Variants in UBR4 observed in about 807,000 individuals in gnomAD.
UBR4 encodes the protein E3 ubiquitin-protein ligase UBR4.
Under a neutral mutation model 575.6 loss-of-function variants are expected in UBR4, and 124 were observed. The observed-to-expected ratio is 0.22, with a 90% CI of 0.19 to 0.25. The LOEUF (loss-of-function observed/expected upper bound fraction) is 0.25. Among genes scored for constraint, UBR4 ranks in the 10% least tolerant of loss-of-function variants. UBR4 has a pLI of 1.00. For synonymous variants in UBR4, 2,455 were observed against 2,473.7 expected, an observed-to-expected ratio of 0.99 and a Z score of 0.22; for missense variants, 4,818 against 6,478.8, an observed-to-expected ratio of 0.74 and a Z score of 8.80.
intron 60 of UBR4, among the ~76,000 whole-genome samples, chr1:19,130,586 A>G (rs2082306313): frequency 6.6e-6 from 1 of 152,160 alleles, no homozygotes; most frequent in Non-Finnish European, 1.5e-5. Flanking sequence ...TCTAAAAAGA[A>G]CTCAAAGGAA....
chr1:19,150,805 AAG>A lies in UBR4; in HGVS notation c.7214-14_7214-13del. Reference sequence around the variant, plus strand: ...CACCGAGGCCCCAACTGCAATAAGCAAGAGAGGCCTTTAGGAAGCACATTCTC... The same window carrying A: ...CACCGAGGCCCCAACTGCAATAAGCAAGAGGCCTTTAGGAAGCACATTCTC... On this transcript the variant is annotated splice_polypyrimidine_tract_variant and intron_variant, in intron 48 of 105. Coordinates refer to ENST00000375254, the MANE Select transcript of UBR4 (RefSeq NM_020765.3). 1 of 1,613,420 alleles carries A rather than the reference AAG, an allele frequency of 6.2e-7. No homozygotes were observed. The highest frequency in any genetic ancestry group is 8.5e-7 in the Non-Finnish European group (1 of 1,179,880).
rs368349268 is a variant in UBR4, at chr1:19,155,461, T to G, written c.6280A>C (p.Ile2094Leu). Residue 2094 changes from isoleucine to leucine, a missense_variant, in exon 43 of 106, where the codon ATC (isoleucine) becomes CTC (leucine). Transcript: ENST00000375254. ...GPFYVTNVLE[I>L]NHEDLKDSNS... The stretch of plus-strand genomic sequence containing the variant: ...CTAACCTTCAGGTCCTCATGATTGA[T>G]TTCCAACACATTAGTGACATAGAAG... 2.5e-6 allele frequency: 4 copies of G among 1,614,124 alleles called. No homozygotes were observed. The highest frequency in any genetic ancestry group is 2.2e-5 in the South Asian group (2 of 91,058).
At chr1:19,136,260 G>GA (rs1269100685) in intron 60 of UBR4, among the ~76,000 whole-genome samples, 1 of 152,150 alleles carries the variant, frequency 6.6e-6, no homozygotes, top group East Asian at 1.9e-4. Flanking sequence ...GTTAGGCACA[G>GA]AAAATGGTAA....
chr1:19,100,237 AC>A lies in UBR4; in HGVS notation c.13221+138del. On this transcript the variant is annotated intron_variant, in intron 89 of 105. Transcript: ENST00000375254. This position sits in a 1 kb window ranked among gnomAD's most constrained non-coding sequence, Gnocchi z 4.2. ...TGAGGTAGAAAGGTGGGAATCATTA[AC>A]CCCAACTTACAGAGTGGAGAAACTG... The A allele has an allele frequency of 1.2e-6, 1 of 845,252 alleles. No homozygotes were observed. The highest frequency in any genetic ancestry group is 1.9e-6 in the Non-Finnish European group (1 of 529,304). 52.4% of individuals were successfully genotyped at this position (845,252 alleles called of 1,614,324 possible).
At chr1:19,146,014 G>A in intron 52 of UBR4, 81 bp from the exon 53 acceptor site, 1 of 1,608,082 alleles carries the variant, frequency 6.2e-7, no homozygotes, top group Non-Finnish European at 8.5e-7. Flanking sequence ...TCAGGTCAAG[G>A]AAGCTTGCCT....
intron 1 of UBR4, among the ~76,000 whole-genome samples, chr1:19,204,717 G>C (rs989358541): frequency 3.9e-5 from 6 of 152,122 alleles, no homozygotes; most frequent in African/African-American, 1.4e-4. Flanking sequence ...ACGGTCTTCA[G>C]CTCTACTTAT....
Position 19,081,433 on chromosome 1 carries a change from T to C in UBR4, c.15149A>G (p.Gln5050Arg). ...VLALHILPPE[Q>R]WRATRVEILR... ...GATTTCCACACGTGTGGCTCTCCAC[T>C]GCTCAGGGGGCAGGATGTGAAGGGC... The change falls in exon 103 of 106, where the codon CAG becomes CGG. Residue 5050 changes from glutamine to arginine, a missense_variant. Coordinates refer to ENST00000375254, the MANE Select transcript of UBR4 (RefSeq NM_020765.3). 1 of 1,614,040 alleles carries C rather than the reference T, an allele frequency of 6.2e-7. No homozygotes were observed. The highest frequency in any genetic ancestry group is 8.5e-7 in the Non-Finnish European group (1 of 1,179,994).
At chr1:19,103,993 G>A in intron 87 of UBR4, 91 bp downstream of exon 87, 5 of 1,474,110 alleles carry the variant, frequency 3.4e-6, no homozygotes, top group Non-Finnish European at 4.6e-6. Context: ...CCCTCCTCTG[G>A]ATCTGTGGAA....
At chr1:19,206,694 C>A (rs1340376706) in intron 1 of UBR4, among the ~76,000 whole-genome samples, 3 of 152,154 alleles carry the variant, frequency 2.0e-5, no homozygotes, top group Non-Finnish European at 4.4e-5. Context: ...AAAAGACATG[C>A]TAGCTAGCTA....
At chr1:19,077,214 T>C (rs1003132925) in intron 104 of UBR4, among the ~76,000 whole-genome samples, 3 of 152,212 alleles carry the variant, frequency 2.0e-5, no homozygotes, top group Admixed American at 6.5e-5. Flanking sequence ...TGTGCTTCCA[T>C]GAGCTGTCTC....
chr1:19,099,051 C>T (rs535188242), intron 90 of UBR4, among the ~76,000 whole-genome samples: 3 of 152,302 alleles, frequency 2.0e-5, no homozygotes, highest in African/African-American at 7.2e-5. Context: ...AGTGGACAAA[C>T]AGCATCACTC....
chr1:19,115,810 A>G (rs1300422176), intron 73 of UBR4, among the ~76,000 whole-genome samples, 173 bp from the exon 74 acceptor site: 1 of 152,226 alleles, frequency 6.6e-6, no homozygotes, highest in Non-Finnish European at 1.5e-5. Context: ...GTTTTCTACT[A>G]CCTTTTCTCT....
At chr1:19,208,620 G>T (rs557276829) in intron 1 of UBR4, among the ~76,000 whole-genome samples, 69 of 152,250 alleles carry the variant, frequency 4.5e-4, no homozygotes, top group African/African-American at 1.5e-3. Context: ...AGAGGGTATG[G>T]CAAAGACCAC....
chr1:19,199,177 C>T (rs921881895), intron 3 of UBR4, among the ~76,000 whole-genome samples: 1 of 152,202 alleles, frequency 6.6e-6, no homozygotes, highest in African/African-American at 2.4e-5. Flanking sequence ...TTCTCACGCT[C>T]AAATAATTCA....
Position 19,076,163 on chromosome 1 carries a change from T to C in UBR4, c.15487+577A>G, listed in dbSNP as rs141313620. Among the ~76,000 whole-genome samples, 803 of 152,344 alleles carry C rather than the reference T, an allele frequency of 5.3e-3. 6 individuals are homozygous for C. The highest frequency in any genetic ancestry group is 0.017 in the African/African-American group (696 of 41,586). ...GTTTGTTTGCAATTAGAATGACAAA[T>C]TTGTTACACAAAGAATTTCAATTTT... On this transcript the variant is annotated intron_variant, in intron 105 of 105. Coordinates refer to ENST00000375254, the MANE Select transcript of UBR4 (RefSeq NM_020765.3).
At chr1:19,203,038 G>A (rs1306568523) in intron 1 of UBR4, among the ~76,000 whole-genome samples, 1 of 151,918 alleles carries the variant, frequency 6.6e-6, no homozygotes, top group African/African-American at 2.4e-5. Flanking sequence ...CCGAGATCGG[G>A]CCACTGCACT....
At chr1:19,188,700 G>A (rs1227285056) in intron 11 of UBR4, among the ~76,000 whole-genome samples, 1 of 152,194 alleles carries the variant, frequency 6.6e-6, no homozygotes, top group Non-Finnish European at 1.5e-5. Context: ...AGATGCGGTG[G>A]CTCACATCTA....
intron 26 of UBR4, among the ~76,000 whole-genome samples, chr1:19,170,182 C>T (rs1422692381): frequency 6.6e-6 from 1 of 152,156 alleles, no homozygotes; most frequent in East Asian, 1.9e-4. Flanking sequence ...TTCCTGTCCC[C>T]TATAAATGAA....
At chr1:19,148,697 T>G in intron 49 of UBR4, 71 bp from the exon 50 acceptor site, 3 of 1,563,598 alleles carry the variant, frequency 1.9e-6, no homozygotes, top group Non-Finnish European at 1.8e-6. Context: ...CTAAGCAAAC[T>G]ATAGTCATGA....
Sources: allele counts gnomAD v4.1 joint callset (sites outside exome capture counted in the v4.1 genomes callset), GRCh38; gene constraint gnomAD v4.1.1; non-coding constraint Gnocchi (gnomAD v3.1); transcripts MANE v1.5; gene names NCBI Gene and HGNC (gene_info 2026-07-23, HGNC 2026-07-21).